AP3D1: variants seen among roughly 807,000 people sequenced by gnomAD.
The protein encoded by AP3D1 is AP-3 complex subunit delta-1.
Under a neutral mutation model 147.6 loss-of-function variants are expected in AP3D1, and 51 were observed. That is an observed-to-expected ratio of 0.35 (90% confidence interval 0.28 to 0.44). AP3D1 has a LOEUF of 0.44. AP3D1 is among the 20% of genes least tolerant of loss of function. The probability of loss-of-function intolerance (pLI) is 1.00; values close to 1 mark genes in which losing one functional copy is unlikely to be tolerated. For synonymous variants in AP3D1, 760 were observed against 663.0 expected (o/e 1.15, Z -2.25); for missense variants, 1,421 against 1,624.2 (o/e 0.87, Z 2.15).
intron 1 of AP3D1, among the ~76,000 whole-genome samples, chr19:2,150,179 C>T (rs2019468165): frequency 1.3e-5 from 2 of 152,212 alleles, no homozygotes; most frequent in Admixed American, 6.5e-5. Context: ...ACTTCCCTGC[C>T]CTCCTGGGCA....
At chr19:2,127,239 G>C (rs527680933) in intron 8 of AP3D1, 38 bp from the exon 9 acceptor site, 1 of 1,607,946 alleles carries the variant, frequency 6.2e-7, no homozygotes, top group African/African-American at 1.3e-5. Flanking sequence ...ATGAGGACTG[G>C]GGGCCTCGTC....
intron 1 of AP3D1, among the ~76,000 whole-genome samples, chr19:2,146,218 C>T (rs565980433): frequency 2.6e-5 from 4 of 152,222 alleles, no homozygotes; most frequent in African/African-American, 9.7e-5. Flanking sequence ...TAGGCAATCA[C>T]GCCTATGGTT....
chr19:2,121,125 A>C, intron 13 of AP3D1, 33 bp from the exon 14 acceptor site: 1 of 1,613,628 alleles, frequency 6.2e-7, no homozygotes, highest in East Asian at 2.2e-5. Context: ...GAGCGGCGCC[A>C]CGGAACCCCC....
At chr19:2,110,972 G>C in intron 26 of AP3D1, 76 bp from the exon 27 acceptor site, 1 of 1,482,272 alleles carries the variant, frequency 6.7e-7, no homozygotes, top group Non-Finnish European at 9.2e-7. Flanking sequence ...GTCTCTTAAT[G>C]ACCACAGAGG....
At chr19:2,127,438 C>G (rs574735448) in intron 8 of AP3D1, among the ~76,000 whole-genome samples, 1 of 152,232 alleles carries the variant, frequency 6.6e-6, no homozygotes, top group East Asian at 1.9e-4. Context: ...TGACAGCATC[C>G]ACGCAGGGAC....
intron 9 of AP3D1, among the ~76,000 whole-genome samples, chr19:2,124,209 G>A (rs188579362): frequency 6.6e-6 from 1 of 152,366 alleles, no homozygotes; most frequent in African/African-American, 2.4e-5. Context: ...CGAGGCCACA[G>A]GACCAGACCC....
intron 1 of AP3D1, among the ~76,000 whole-genome samples, chr19:2,158,606 C>A (rs1299109646): frequency 1.3e-5 from 2 of 151,190 alleles, no homozygotes; most frequent in South Asian, 4.2e-4. Context: ...CCGATCCCAG[C>A]TCTTTTTTTT....
intron 25 of AP3D1, 28 bp downstream of exon 25, chr19:2,111,651 G>A (rs747220969): frequency 2.5e-5 from 39 of 1,561,944 alleles, no homozygotes; most frequent in Non-Finnish European, 3.0e-5. Flanking sequence ...ACCCCGGCGT[G>A]GGGCGGGGGC....
intron 1 of AP3D1, among the ~76,000 whole-genome samples, chr19:2,162,257 C>T (rs968407168): frequency 4.0e-5 from 6 of 149,870 alleles, no homozygotes; most frequent in African/African-American, 7.3e-5. Context: ...AGGATGGTCT[C>T]GATCTCCTGA....
intron 1 of AP3D1, among the ~76,000 whole-genome samples, chr19:2,144,259 G>A (rs1194061488): frequency 6.6e-6 from 1 of 152,180 alleles, no homozygotes; most frequent in African/African-American, 2.4e-5. Context: ...CATGAAAGGA[G>A]CTTCTCCTGC....
At chr19:2,113,755 C>A (rs977231876) in intron 22 of AP3D1, among the ~76,000 whole-genome samples, 2 of 152,224 alleles carry the variant, frequency 1.3e-5, no homozygotes, top group African/African-American at 4.8e-5. Context: ...AACACATGCT[C>A]CTTTGAAAAA....
At chr19:2,152,737 G>A (rs956498229), upstream of AP3D1, among the ~76,000 whole-genome samples, 2 of 151,350 alleles carry the variant, frequency 1.3e-5, no homozygotes, top group African/African-American at 4.9e-5. Flanking sequence ...TTAGCCGGGC[G>A]TGGTGGCATG....
At chr19:2,107,899 G>A (rs1890429777) in intron 31 of AP3D1, among the ~76,000 whole-genome samples, 1 of 152,218 alleles carries the variant, frequency 6.6e-6, no homozygotes, top group South Asian at 2.1e-4. Flanking sequence ...CTCAGTGACT[G>A]ATGATTCCTT....
At chr19:2,159,083 G>C (rs535819282) in intron 1 of AP3D1, among the ~76,000 whole-genome samples, 1 of 151,866 alleles carries the variant, frequency 6.6e-6, no homozygotes, top group East Asian at 1.9e-4. Flanking sequence ...CTCCGACTCC[G>C]GGCTCAAGTG....
At chr19:2,138,894 T>C (rs2019146598) in intron 1 of AP3D1, among the ~76,000 whole-genome samples, 180 bp from the exon 2 acceptor site, 1 of 151,550 alleles carries the variant, frequency 6.6e-6, no homozygotes, top group African/African-American at 2.4e-5. Context: ...ACCCCGCCTC[T>C]ACTAAAAATA....
rs2018462829 is a variant in AP3D1, at chr19:2,116,695, C to A, written c.1911G>T (p.Glu637Asp). ...INEPLSDSESEDERPRAVFHE... is the reference protein window; with the variant it reads ...INEPLSDSESDDERPRAVFHE... ...GGAAGACGGCCCTGGGCCTCTCGTC[C>A]TCTGACTCGCTGTCCGAGAGTGGCT... is the stretch of plus-strand genomic sequence containing the variant. Residue 637 changes from glutamate (E) to aspartate (D), a missense_variant, in exon 17 of 32, where the codon GAG becomes GAT. This residue lies in a region of AP3D1 where 791 missense variants were observed against 761.4 expected (regional missense o/e 1.04). Transcript: ENST00000643116. 9 of 1,611,170 alleles carry A rather than the reference C, an allele frequency of 5.6e-6. No homozygotes were observed. The highest frequency in any genetic ancestry group is 7.6e-6 in the Non-Finnish European group (9 of 1,178,980).
At chr19:2,112,779 G>A in intron 24 of AP3D1, 81 bp downstream of exon 24, 1 of 1,135,766 alleles carries the variant, frequency 8.8e-7, no homozygotes, top group South Asian at 1.5e-5. Flanking sequence ...GACCTGGGTG[G>A]CGGAAGCTGT....
chr19:2,160,187 G>A (rs1053664554), intron 1 of AP3D1, among the ~76,000 whole-genome samples: 1 of 152,186 alleles, frequency 6.6e-6, no homozygotes, highest in African/African-American at 2.4e-5. Flanking sequence ...CCTGTAACAG[G>A]AACTATGGGA....
chr19:2,120,852 G>C lies in AP3D1; in HGVS notation c.1481+10C>G, dbSNP rs568796046. The C allele has an allele frequency of 1.2e-6, 2 of 1,602,530 alleles. No homozygotes were observed. The highest frequency in any genetic ancestry group is 2.2e-5 in the South Asian group (2 of 91,008). ...GAAGCTGCCAGCCCAGAGGCCCAGC[G>C]CCCACTCACTCTGAGAACTCCCCGC... On this transcript the variant is annotated intron_variant, in intron 14 of 31. Transcript: ENST00000643116.
Sources: allele counts gnomAD v4.1 joint callset (sites outside exome capture counted in the v4.1 genomes callset), GRCh38; gene constraint gnomAD v4.1.1; regional missense constraint gnomAD v4.1.1; transcripts MANE v1.5; gene names NCBI Gene and HGNC (gene_info 2026-07-23, HGNC 2026-07-21).